The following TTC14 variants were observed in gnomAD, a reference collection of about 807,000 sequenced individuals.
TTC14 encodes tetratricopeptide repeat protein 14.
A neutral mutation model predicts 79.9 loss-of-function variants in TTC14; 63 were observed. The observed-to-expected ratio is 0.79, with a 90% CI of 0.64 to 0.97. TTC14 has a LOEUF of 0.97. TTC14 is among the 50% of genes least tolerant of loss of function. TTC14 has a pLI of 0.00. For synonymous variants in TTC14, 335 were observed against 309.6 expected (o/e 1.08, Z -0.86); for missense variants, 895 against 894.0 (o/e 1.00, Z -0.01).
chr3:180,605,243 G>A, intron 6 of TTC14: 1 of 364,646 alleles, frequency 2.7e-6, no homozygotes, highest in Non-Finnish European at 4.9e-6. Context: ...AGAATTTTGT[G>A]TGTATGCTAA....
intron 6 of TTC14, 106 bp downstream of exon 6, chr3:180,605,113 C>T: frequency 9.1e-7 from 1 of 1,097,300 alleles, no homozygotes; most frequent in Non-Finnish European, 1.3e-6. Flanking sequence ...CACCTAGTAG[C>T]AGGCATATGC....
Position 180,608,751 on chromosome 3 carries a change from A to G in TTC14, c.1341A>G (p.Lys447=). The stretch of plus-strand genomic sequence containing the variant: ...AAGCTGAAAAGGAAGAAAAGCAGAA[A>G]ACAAAGAAAATAGAAACAAGTGCAG... The part of the protein sequence containing the change: ...EKQAEKEEKQ[K]TKKIETSAEK... Residue 447 remains lysine, a synonymous_variant, in exon 11 of 12, where the codon AAA becomes AAG. Transcript: ENST00000296015. 1 of 1,563,634 alleles carries G rather than the reference A, an allele frequency of 6.4e-7. No homozygotes were observed. The highest frequency in any genetic ancestry group is 2.0e-5 in the Admixed American group (1 of 49,304).
At chr3:180,612,427 C>G (rs1717026861), downstream of TTC14, among the ~76,000 whole-genome samples, 1 of 152,156 alleles carries the variant, frequency 6.6e-6, no homozygotes, top group Non-Finnish European at 1.5e-5. Flanking sequence ...CCCTGCCAAC[C>G]TACCAGCATT....
chr3:180,602,454 A>C (rs773248573), intron 1 of TTC14, 32 bp downstream of exon 1: 5 of 1,570,342 alleles, frequency 3.2e-6, no homozygotes, highest in Non-Finnish European at 4.3e-6. Context: ...TGCGCCACGG[A>C]AGAGGGGACG....
Position 180,610,411 on chromosome 3 carries a change from GA to G in TTC14, c.2184del (p.Glu729LysfsTer4). On this transcript the variant is annotated frameshift_variant, in exon 12 of 12. Transcript: ENST00000296015. LOFTEE classifies it high-confidence loss of function. ...GGAGGATATCAAAACAGAGGTTCCAGAAGAAGATGCACTAAGTAGCAAAGAA... is the reference window on the plus strand; with the variant it reads ...GGAGGATATCAAAACAGAGGTTCCAGAGAAGATGCACTAAGTAGCAAAGAA... ...YGEDIKTEVP[E>X]EDALSSKEHS... The G allele has an allele frequency of 6.2e-7, 1 of 1,613,740 alleles. No individual in the cohort carries two copies. Among genetic ancestry groups the G allele is most frequent in the Non-Finnish European group, 8.5e-7 (1 of 1,179,822 alleles).
intron 7 of TTC14, 100 bp from the exon 8 acceptor site, chr3:180,606,153 G>T (rs1459001943): frequency 6.6e-7 from 1 of 1,506,046 alleles, no homozygotes; most frequent in Non-Finnish European, 9.0e-7. Flanking sequence ...TAAATATTTT[G>T]CCAAGTTTGA....
intron 6 of TTC14, 63 bp downstream of exon 6, chr3:180,605,070 T>C: frequency 6.6e-7 from 1 of 1,518,336 alleles, no homozygotes; most frequent in East Asian, 2.3e-5. Context: ...AGAAGCTGCG[T>C]TTAGCTGAAG....
chr3:180,610,672 C>T lies in TTC14; in HGVS notation c.*130C>T. 1.4e-6 allele frequency: 2 copies of T among 1,425,126 alleles called. No individual in the cohort carries two copies. The highest frequency in any genetic ancestry group is 1.8e-6 in the Non-Finnish European group (2 of 1,094,232). The allele number at this position is 1,425,126 out of a possible 1,614,324, so 88.3% of individuals were successfully genotyped here. On this transcript the variant is annotated 3_prime_UTR_variant, in exon 12 of 12. Transcript: ENST00000296015. Reference sequence around the variant, plus strand: ...TTGTAGAGATTACAGGAAACAAATGCTTTTAAGTAAGTTTTTCTCAAATTT... The same window carrying T: ...TTGTAGAGATTACAGGAAACAAATGTTTTTAAGTAAGTTTTTCTCAAATTT...
chr3:180,602,962 T>C lies in TTC14; in HGVS notation c.233T>C (p.Leu78Pro). 1 of 1,614,052 alleles carries C rather than the reference T, an allele frequency of 6.2e-7. No homozygotes were observed. Residue 78 changes from leucine (L) to proline (P), a missense_variant, in exon 2 of 12, where the codon CTT becomes CCT. Physicochemically the swap from Leu to Pro is moderately conservative, Grantham distance 98. Transcript: ENST00000296015. ...AAAAAAGCGGATCTGCTTTTTGCAC[T>C]TTCCTGGAAATCAGATGCACCTGCA... ...ISKKADLLFA[L>P]SWKSDAPATS...
At chr3:180,611,544 G>C (rs769353267), downstream of TTC14, among the ~76,000 whole-genome samples, 4 of 152,286 alleles carry the variant, frequency 2.6e-5, no homozygotes, top group South Asian at 2.1e-4. Flanking sequence ...AGACCAACTA[G>C]AGCCTGGTTT....
chr3:180,602,273 C>A lies in TTC14; in HGVS notation c.12C>A (p.Asp4Glu). Residue 4 changes from aspartate to glutamate, a missense_variant, in exon 1 of 12, where the codon GAC becomes GAA. Transcript: ENST00000296015. ...TGCATTCTCTAGCCATGGACCGGGA[C>A]CTTTTGCGGCAGTCGCTAAATTGCC... MDR[D>E]LLRQSLNCHG... 6.2e-7 allele frequency: 1 copy of A among 1,613,980 alleles called. No individual in the cohort carries two copies. The highest frequency in any genetic ancestry group is 8.5e-7 in the Non-Finnish European group (1 of 1,179,992).
intron 1 of TTC14, 26 bp from the exon 2 acceptor site, chr3:180,602,865 T>G: frequency 6.3e-7 from 1 of 1,590,892 alleles, no homozygotes; most frequent in Non-Finnish European, 8.5e-7. Context: ...TAACCCAATT[T>G]TCATATATAT....
At chr3:180,608,901 G>A in intron 11 of TTC14, 91 bp downstream of exon 11, 2 of 1,274,366 alleles carry the variant, frequency 1.6e-6, no homozygotes, top group East Asian at 3.1e-5. Context: ...ATAAAAATAT[G>A]AAAGTATTTC....
At chr3:180,602,794 TG>T in intron 1 of TTC14, 96 bp from the exon 2 acceptor site, 1 of 1,372,794 alleles carries the variant, frequency 7.3e-7, no homozygotes, top group Non-Finnish European at 9.8e-7. Context: ...CAGCTTAGGA[TG>T]GAGCGGAATG....
chr3:180,616,605 G>GT, intron 12 of TTC14: 1 of 1,598,582 alleles, frequency 6.3e-7, no homozygotes, highest in Non-Finnish European at 8.5e-7. Context: ...TTGTGAAACT[G>GT]TTTCATTTCA....
At position 180,610,975 on chromosome 3, in the gene TTC14, GATT is replaced by G; in HGVS notation, c.*436_*438del. ...AATTAAAAATCGTCAGCTTTTGAAA[GATT>G]ATATGTTCGAATGTTTCTTGAACAC... On this transcript the variant is annotated 3_prime_UTR_variant, in exon 12 of 12. Transcript: ENST00000296015. 1.7e-5 allele frequency: 16 copies of G among 951,104 alleles called. No homozygotes were observed. The highest frequency in any genetic ancestry group is 4.9e-5 in the South Asian group (1 of 20,582). The allele number at this position is 951,104 out of a possible 1,614,324, so 58.9% of individuals were successfully genotyped here.
rs1716400142 is a variant in TTC14 at position 180,602,291 on chromosome 3, A to G, written c.30A>G (p.Leu10=). ...ACCGGGACCTTTTGCGGCAGTCGCT[A>G]AATTGCCACGGGTCGTCTTTGCTCT... MDRDLLRQS[L]NCHGSSLLSL... Residue 10 remains leucine (L), a synonymous_variant, in exon 1 of 12, where the codon CTA becomes CTG. Transcript: ENST00000296015. 6.2e-7 allele frequency: 1 copy of G among 1,614,044 alleles called. No homozygotes were observed. The highest frequency in any genetic ancestry group is 1.7e-5 in the Admixed American group (1 of 60,026).
At chr3:180,614,894 C>T, downstream of TTC14, 1 of 1,531,736 alleles carries the variant, frequency 6.5e-7, no homozygotes, top group Non-Finnish European at 8.8e-7. Flanking sequence ...TTTGTGTTTA[C>T]AACTTTTTCA....
At chr3:180,614,856 GT>G, downstream of TTC14, 1 of 1,425,410 alleles carries the variant, frequency 7.0e-7, no homozygotes, top group Non-Finnish European at 9.5e-7. Flanking sequence ...GTGTTGGGTC[GT>G]TTTGTATTTT....
Sources: allele counts gnomAD v4.1 joint callset (sites outside exome capture counted in the v4.1 genomes callset), GRCh38; gene constraint gnomAD v4.1.1; transcripts MANE v1.5; gene names NCBI Gene and HGNC (gene_info 2026-07-23, HGNC 2026-07-21).